The following CUL5 variants were observed in gnomAD, a reference collection of about 807,000 sequenced individuals.
CUL5 encodes cullin-5.
In CUL5, 26 loss-of-function variants were observed where a neutral mutation model predicts 108.8. That is an observed-to-expected ratio of 0.24 (90% CI 0.18 to 0.33). CUL5 has a LOEUF of 0.33. Among genes scored for constraint, CUL5 ranks in the 10% least tolerant of loss-of-function variants. The pLI is 1.00. For missense variants in CUL5, 524 were observed against 909.2 expected (o/e 0.58, Z 5.45); for synonymous variants, 334 against 298.0 (o/e 1.12, Z -1.25).
rs539164486 is a variant in CUL5, at chr11:108,033,374, C to G, written c.25-428C>G. 2.0e-5 allele frequency among the ~76,000 whole-genome samples: 3 copies of G among 152,294 alleles called. No homozygotes were observed. In the South Asian group the frequency reaches 6.2e-4, roughly 32 times the overall value. On this transcript the variant is annotated intron_variant, in intron 1 of 18. Transcript: ENST00000393094. ...CCCCTGTGACCCCAAACCCGTATCTCAAGTTGTATTGTTCGTCTTCCCAGT... is the reference window on the plus strand; with the variant it reads ...CCCCTGTGACCCCAAACCCGTATCTGAAGTTGTATTGTTCGTCTTCCCAGT...
At chr11:108,096,372 T>TC (rs35447216) in intron 16 of CUL5, among the ~76,000 whole-genome samples, 317 of 147,984 alleles carry the variant, frequency 2.1e-3, no homozygotes, top group African/African-American at 7.4e-3. Context: ...GGTGGCTGTA[T>TC]CCCCAGCTAC....
intron 2 of CUL5, 29 bp from the exon 3 acceptor site, chr11:108,046,241 A>C: frequency 7.0e-7 from 1 of 1,431,906 alleles, no homozygotes; most frequent in Non-Finnish European, 9.8e-7. Flanking sequence ...TTCATTATTA[A>C]TGTTTGTTTA....
chr11:108,053,367 A>G (rs1187173443), intron 5 of CUL5, among the ~76,000 whole-genome samples: 1 of 152,214 alleles, frequency 6.6e-6, no homozygotes, highest in Admixed American at 6.5e-5. Context: ...CATAGAATGC[A>G]TGGCACAAAA....
At chr11:108,045,468 C>T (rs1230715613) in intron 2 of CUL5, among the ~76,000 whole-genome samples, 1 of 152,108 alleles carries the variant, frequency 6.6e-6, no homozygotes, top group African/African-American at 2.4e-5. Flanking sequence ...GCTTGTAGTC[C>T]CAGCTACTCA....
At chr11:108,088,719 C>A in intron 12 of CUL5, 60 bp downstream of exon 12, 1 of 1,318,940 alleles carries the variant, frequency 7.6e-7, no homozygotes, top group Non-Finnish European at 1.0e-6. Flanking sequence ...TTGTGTTTTG[C>A]TTATAGGACT....
chr11:108,015,558 T>G (rs1220549327), intron 1 of CUL5, among the ~76,000 whole-genome samples: 1 of 152,190 alleles, frequency 6.6e-6, no homozygotes, highest in East Asian at 1.9e-4. Flanking sequence ...GGCCTTCCCC[T>G]CCTTCAGTGT....
Position 108,094,958 on chromosome 11 carries a change from C to T in CUL5, c.1714C>T (p.His572Tyr). The T allele has an allele frequency of 6.2e-7, 1 of 1,611,302 alleles. No homozygotes were observed. ...YKKNHSGRKL[H>Y]WHHLMSNGII... is the part of the protein sequence containing the mutation. Reference sequence around the variant, plus strand: ...AAAAAATCATAGTGGTAGAAAATTACATTGGCATCATCTCATGTCAAATGG... The same window carrying T: ...AAAAAATCATAGTGGTAGAAAATTATATTGGCATCATCTCATGTCAAATGG... The change falls in exon 15 of 19, where the codon CAT (histidine) becomes TAT (tyrosine). Residue 572 changes from histidine to tyrosine, a missense_variant. Around this residue, in one of 8 missense-constraint regions of CUL5, gnomAD observed 64 missense variants for 152.0 expected, o/e 0.42. Transcript: ENST00000393094.
rs780434923 is a variant in CUL5, at chr11:108,009,380, C to T, written c.24+8C>T. 3.1e-6 allele frequency: 5 copies of T among 1,613,446 alleles called. No homozygotes were observed. The highest frequency in any genetic ancestry group is 4.2e-6 in the Non-Finnish European group (5 of 1,179,664). ...ACGTCTAATCTGTTAAAGGTAAGAC[C>T]CTCACTCCAGCTTGGGTTTTACTGT... On this transcript the variant is annotated splice_region_variant and intron_variant, in intron 1 of 18. Transcript: ENST00000393094.
At chr11:108,013,660 G>A (rs1237873599) in intron 1 of CUL5, among the ~76,000 whole-genome samples, 5 of 152,004 alleles carry the variant, frequency 3.3e-5, no homozygotes, top group East Asian at 1.9e-4. Context: ...GTATATAACC[G>A]AACCACAAGA....
intron 2 of CUL5, among the ~76,000 whole-genome samples, 198 bp from the exon 3 acceptor site, chr11:108,046,070 CAA>C (rs1383845019): frequency 6.6e-6 from 1 of 151,916 alleles, no homozygotes; most frequent in South Asian, 2.1e-4. Flanking sequence ...AAGAGGAAAA[CAA>C]TGGCTAAAGA....
chr11:108,073,135 G>C (rs780923140), intron 9 of CUL5, among the ~76,000 whole-genome samples: 6 of 151,542 alleles, frequency 4.0e-5, no homozygotes, highest in Non-Finnish European at 8.8e-5. Flanking sequence ...CCAGGAAGTG[G>C]AGCTTGCAGT....
chr11:108,041,659 C>T (rs141838326), intron 2 of CUL5, among the ~76,000 whole-genome samples: 2,393 of 152,002 alleles, frequency 0.016, 59 homozygotes, highest in African/African-American at 0.054. Context: ...AGCGTGATCT[C>T]GGCTCACTGC....
chr11:108,058,245 C>CTTTTTTTTT (rs771714382), intron 7 of CUL5, among the ~76,000 whole-genome samples: 1 of 100,116 alleles, frequency 1.0e-5, no homozygotes, highest in African/African-American at 4.0e-5. Flanking sequence ...TGAAGAGTGC[C>CTTTTTTTTT]TTTTTTTTTT....
intron 1 of CUL5, among the ~76,000 whole-genome samples, chr11:108,016,928 T>G (rs3908131): frequency 6.6e-6 from 1 of 152,004 alleles, no homozygotes; most frequent in African/African-American, 2.4e-5. Context: ...AGTTGGAGAC[T>G]AGATTGGGCA....
Position 108,071,178 on chromosome 11 carries a change from G to A in CUL5, c.874+989G>A, listed in dbSNP as rs148738149. ...ATGTTTTTTACCTTTTGATGATATG[G>A]CTGTATATGTAGTATTACAACTACC... On this transcript the variant is annotated intron_variant, in intron 8 of 18. Coordinates refer to ENST00000393094, the MANE Select transcript of CUL5 (RefSeq NM_003478.6). Among the ~76,000 whole-genome samples the A allele has an allele frequency of 7.4e-3, 1,125 of 152,156 alleles. 11 individuals carry two copies. Among genetic ancestry groups the A allele is most frequent in the African/African-American group, 0.026 (1,069 of 41,512 alleles).
At position 108,062,284 on chromosome 11, in the gene CUL5, T is replaced by G. The variant is rs114718209; in HGVS notation, c.780+7329T>G. Reference sequence around the variant, plus strand: ...CACTTGGCTTCCTCTTGGAATAGAATCTCCTGGAAATTAGATAGCTGAGGT... The same window carrying G: ...CACTTGGCTTCCTCTTGGAATAGAAGCTCCTGGAAATTAGATAGCTGAGGT... On this transcript the variant is annotated intron_variant, in intron 7 of 18. Coordinates refer to ENST00000393094, the MANE Select transcript of CUL5 (RefSeq NM_003478.6). Among the ~76,000 whole-genome samples, 342 of 152,150 alleles carry G rather than the reference T, an allele frequency of 2.2e-3. 1 individual carries two copies. Among genetic ancestry groups the G allele is most frequent in the African/African-American group, 7.6e-3 (316 of 41,532 alleles).
intron 16 of CUL5, among the ~76,000 whole-genome samples, chr11:108,097,144 A>G (rs111701388): frequency 5.3e-5 from 8 of 152,162 alleles, no homozygotes; most frequent in African/African-American, 1.9e-4. Context: ...GAGCCCCCCA[A>G]GTAGCTGGGA....
At chr11:108,050,110 G>A in intron 4 of CUL5, 44 bp downstream of exon 4, 1 of 1,480,852 alleles carries the variant, frequency 6.8e-7, no homozygotes, top group Non-Finnish European at 9.1e-7. Flanking sequence ...TCTTCAGAAA[G>A]AGGGTAATTT....
rs1864533309 is a variant in CUL5, at chr11:108,097,627, T to C, written c.1906-9T>C. 1 of 1,513,720 alleles carries C rather than the reference T, an allele frequency of 6.6e-7. No homozygotes were observed. The highest frequency in any genetic ancestry group is 9.2e-7 in the Non-Finnish European group (1 of 1,089,806). 93.8% of individuals were successfully genotyped at this position (1,513,720 alleles called of 1,614,324 possible). ...TAGATGCTAATTGTTTTCTCCTTATTCTTCATAGTCTTTAGTAGCTTTCCC... is the reference window on the plus strand; with the variant it reads ...TAGATGCTAATTGTTTTCTCCTTATCCTTCATAGTCTTTAGTAGCTTTCCC... On this transcript the variant is annotated splice_polypyrimidine_tract_variant and intron_variant, in intron 16 of 18. Transcript: ENST00000393094.
Sources: allele counts gnomAD v4.1 joint callset (sites outside exome capture counted in the v4.1 genomes callset), GRCh38; gene constraint gnomAD v4.1.1; regional missense constraint gnomAD v4.1.1; transcripts MANE v1.5; gene names NCBI Gene and HGNC (gene_info 2026-07-23, HGNC 2026-07-21).